Variants in LINGO2 observed in about 807,000 individuals in gnomAD.
LINGO2 encodes leucine-rich repeat and immunoglobulin-like domain-containing nogo receptor-interacting protein 2.
In LINGO2, 14 loss-of-function variants were observed where a neutral mutation model predicts 30.6. That is an observed-to-expected ratio of 0.46 (90% CI 0.30 to 0.72). The LOEUF is 0.72. Among genes scored for constraint, LINGO2 ranks in the 30% least tolerant of loss-of-function variants. The pLI is 0.07. For missense variants in LINGO2, 729 were observed against 751.7 expected, an observed-to-expected ratio of 0.97 and a Z score of 0.35; for synonymous variants, 317 against 288.5, an observed-to-expected ratio of 1.10 and a Z score of -1.00.
intron 1 of LINGO2, among the ~76,000 whole-genome samples, chr9:28,577,820 C>T (rs750854584): frequency 4.6e-5 from 7 of 152,132 alleles, no homozygotes; most frequent in Non-Finnish European, 1.0e-4. Flanking sequence ...CAATGATTAT[C>T]AAGTTTTTAT....
chr9:28,949,984 G>A, the LINGO2 span, among the ~76,000 whole-genome samples: 137,802 of 151,048 alleles, frequency 0.91, 62,923 homozygotes, highest in Non-Finnish European at 0.94. Flanking sequence ...AAGTCAATAA[G>A]CGTAATCCAT....
intron 2 of LINGO2, among the ~76,000 whole-genome samples, chr9:28,404,691 T>C (rs1564178372): frequency 6.6e-6 from 1 of 152,230 alleles, no homozygotes; most frequent in Non-Finnish European, 1.5e-5. Context: ...CCAGGCATAC[T>C]TGCATCACTT....
chr9:28,272,961 A>G (rs148978565), intron 4 of LINGO2, among the ~76,000 whole-genome samples: 11 of 152,202 alleles, frequency 7.2e-5, no homozygotes, highest in African/African-American at 2.7e-4. Context: ...CCCAGTGCAC[A>G]TCAGCTGAAT....
the LINGO2 span, among the ~76,000 whole-genome samples, chr9:28,984,117 C>T: frequency 1.3e-5 from 2 of 152,074 alleles, no homozygotes; most frequent in African/African-American, 4.8e-5. Context: ...CAAAGAATTT[C>T]TCAGTTATGT....
At chr9:28,952,226 A>G in the LINGO2 span, among the ~76,000 whole-genome samples, 1 of 152,112 alleles carries the variant, frequency 6.6e-6, no homozygotes, top group African/African-American at 2.4e-5. Flanking sequence ...CCTTACTCTT[A>G]AGAGTTAAAA....
At chr9:29,147,879 G>A in the LINGO2 span, among the ~76,000 whole-genome samples, 2 of 151,870 alleles carry the variant, frequency 1.3e-5, no homozygotes, top group Admixed American at 1.3e-4. Context: ...AACAAAATAA[G>A]GTATTTAATA....
At chr9:27,952,762 G>T (rs961546417) in intron 5 of LINGO2, among the ~76,000 whole-genome samples, 1 of 151,974 alleles carries the variant, frequency 6.6e-6, no homozygotes, top group Non-Finnish European at 1.5e-5. Flanking sequence ...ATGAATTAAG[G>T]ATTCAAATGT....
intron 4 of LINGO2, among the ~76,000 whole-genome samples, chr9:28,047,394 A>G (rs1384787261): frequency 7.1e-6 from 1 of 141,008 alleles, no homozygotes; most frequent in Non-Finnish European, 1.5e-5. Context: ...GTTTTTTCAT[A>G]TTCAAACAGA....
At chr9:28,851,752 G>A in the LINGO2 span, among the ~76,000 whole-genome samples, 1,466 of 151,982 alleles carry the variant, frequency 9.6e-3, 28 homozygotes, top group African/African-American at 0.031. Context: ...CCTCATTGAA[G>A]GGATAAGAAA....
the LINGO2 span, among the ~76,000 whole-genome samples, chr9:28,768,217 TC>T: frequency 6.6e-6 from 1 of 152,310 alleles, no homozygotes; most frequent in African/African-American, 2.4e-5. Flanking sequence ...ATGAATTGTT[TC>T]CCTGTCATCC....
At chr9:29,150,788 TGA>T in the LINGO2 span, among the ~76,000 whole-genome samples, 4 of 152,094 alleles carry the variant, frequency 2.6e-5, no homozygotes, top group Non-Finnish European at 5.9e-5. Flanking sequence ...TTGACATTCC[TGA>T]GAGATTAGGA....
chr9:28,938,270 G>A, the LINGO2 span, among the ~76,000 whole-genome samples: 2 of 152,184 alleles, frequency 1.3e-5, no homozygotes, highest in Non-Finnish European at 1.5e-5. Flanking sequence ...TCTTTATGGA[G>A]TGATTGGCCA....
At chr9:28,032,201 G>A (rs1033167795) in intron 4 of LINGO2, among the ~76,000 whole-genome samples, 3 of 150,602 alleles carry the variant, frequency 2.0e-5, no homozygotes, top group African/African-American at 7.4e-5. Context: ...TCTAATTCAA[G>A]TCTTAAAAAA....
chr9:29,129,202 T>C, the LINGO2 span, among the ~76,000 whole-genome samples: 1 of 152,116 alleles, frequency 6.6e-6, no homozygotes, highest in East Asian at 1.9e-4. Flanking sequence ...TATTTACTTT[T>C]GAGGCTTTTA....
intron 5 of LINGO2, among the ~76,000 whole-genome samples, chr9:27,963,282 T>C (rs1017807903): frequency 6.6e-6 from 1 of 152,160 alleles, no homozygotes; most frequent in Non-Finnish European, 1.5e-5. Context: ...TGAATCAGTA[T>C]TTGTCAGGAC....
At chr9:28,417,356 T>G (rs1707506608) in intron 2 of LINGO2, among the ~76,000 whole-genome samples, 1 of 152,218 alleles carries the variant, frequency 6.6e-6, no homozygotes, top group Admixed American at 6.5e-5. Flanking sequence ...TCATAATGAA[T>G]AAAATCAAAG....
At chr9:27,999,627 C>T (rs1022244588) in intron 5 of LINGO2, among the ~76,000 whole-genome samples, 6 of 152,116 alleles carry the variant, frequency 3.9e-5, no homozygotes, top group Non-Finnish European at 8.8e-5. Context: ...GAGACTGCCA[C>T]CAGGTTTCTG....
chr9:28,268,273 G>T (rs1368197818), intron 4 of LINGO2, among the ~76,000 whole-genome samples: 1 of 151,978 alleles, frequency 6.6e-6, no homozygotes, highest in East Asian at 1.9e-4. Context: ...AAATTCTTTG[G>T]CTAAAGATAG....
At chr9:28,437,670 T>C (rs1197727196) in intron 2 of LINGO2, among the ~76,000 whole-genome samples, 1 of 151,942 alleles carries the variant, frequency 6.6e-6, no homozygotes, top group Admixed American at 6.6e-5. Context: ...CTTTCTCATC[T>C]CTTGATGCCA....
Sources: allele counts gnomAD v4.1 joint callset (sites outside exome capture counted in the v4.1 genomes callset), GRCh38; gene constraint gnomAD v4.1.1; transcripts MANE v1.5; gene names NCBI Gene and HGNC (gene_info 2026-07-23, HGNC 2026-07-21).